The following MAP7 variants were observed in gnomAD, a reference collection of about 807,000 sequenced individuals.
The protein encoded by MAP7 is microtubule associated protein 7, also known as ensconsin.
In MAP7, 52 loss-of-function variants were observed where a neutral mutation model predicts 94.8. The observed-to-expected ratio is 0.55, with a 90% confidence interval of 0.44 to 0.69. The LOEUF (loss-of-function observed/expected upper bound fraction) is 0.69. Among genes scored for constraint, MAP7 ranks in the 30% least tolerant of loss-of-function variants. The probability of loss-of-function intolerance (pLI) is 0.00; values close to 1 mark genes in which losing one functional copy is unlikely to be tolerated. For missense variants in MAP7, 940 were observed against 964.6 expected (o/e 0.97, Z 0.34); for synonymous variants, 350 against 357.0 (o/e 0.98, Z 0.22).
rs1830022534 is a variant in MAP7, at chr6:136,550,095, G to A, written c.67+247C>T. ...CTCCACCTGTTGCGGGAAAGTCGCGGTGGAGCGCCCGAGGGCGGCCGCAAC... is the reference window on the plus strand; with the variant it reads ...CTCCACCTGTTGCGGGAAAGTCGCGATGGAGCGCCCGAGGGCGGCCGCAAC... On this transcript the variant is annotated intron_variant, in intron 1 of 17. Transcript: ENST00000354570. This position sits in a 1 kb window ranked among gnomAD's most constrained non-coding sequence, Gnocchi z 5.1. 6.6e-6 allele frequency among the ~76,000 whole-genome samples: 1 copy of A among 151,496 alleles called. No individual in the cohort carries two copies. Among genetic ancestry groups the A allele is most frequent in the Admixed American group, 6.6e-5 (1 of 15,234 alleles).
At chr6:136,432,369 T>C (rs903445005) in intron 1 of MAP7, among the ~76,000 whole-genome samples, 3 of 152,196 alleles carry the variant, frequency 2.0e-5, no homozygotes, top group Non-Finnish European at 4.4e-5. Context: ...AAGCAGGTCC[T>C]GGTTCGTTAT....
intron 1 of MAP7, among the ~76,000 whole-genome samples, chr6:136,435,082 ATACTTTTAG>A (rs981546205): frequency 3.3e-5 from 5 of 152,234 alleles, no homozygotes; most frequent in African/African-American, 7.2e-5. Context: ...TTTCTTCTAA[ATACTTTTAG>A]AATGCATTTT....
intron 1 of MAP7, among the ~76,000 whole-genome samples, chr6:136,546,633 G>A (rs1260305688): frequency 6.6e-6 from 1 of 152,076 alleles, no homozygotes; most frequent in African/African-American, 2.4e-5. Flanking sequence ...ACCTGCAACT[G>A]TTTGTTGGTG....
chr6:136,397,222 AT>A (rs2128695111), intron 3 of MAP7, among the ~76,000 whole-genome samples: 1 of 152,312 alleles, frequency 6.6e-6, no homozygotes, highest in East Asian at 1.9e-4. Flanking sequence ...GTATTTCAAT[AT>A]TTTAATAAAA....
chr6:136,513,891 ATG>A (rs1230168678), intron 1 of MAP7, among the ~76,000 whole-genome samples: 3 of 152,108 alleles, frequency 2.0e-5, no homozygotes, highest in African/African-American at 4.8e-5. Flanking sequence ...TATAAATTGC[ATG>A]TGTTTTGCAA....
At chr6:136,354,560 T>A (rs573217913) in intron 16 of MAP7, among the ~76,000 whole-genome samples, 1 of 151,214 alleles carries the variant, frequency 6.6e-6, no homozygotes, top group South Asian at 2.1e-4. Context: ...TATTCTTATA[T>A]TCTGATGTTT....
chr6:136,444,337 G>A (rs1333347686), intron 1 of MAP7, among the ~76,000 whole-genome samples: 1 of 152,214 alleles, frequency 6.6e-6, no homozygotes, highest in South Asian at 2.1e-4. Flanking sequence ...TGAATCTGAT[G>A]TACACCAAAG....
At chr6:136,352,645 T>C (rs543544369) in intron 16 of MAP7, among the ~76,000 whole-genome samples, 33 of 152,354 alleles carry the variant, frequency 2.2e-4, no homozygotes, top group African/African-American at 7.5e-4. Flanking sequence ...GGTTTAAATC[T>C]ATGTTTTTTT....
intron 1 of MAP7, among the ~76,000 whole-genome samples, chr6:136,461,002 A>G (rs1227201433): frequency 6.6e-6 from 1 of 152,178 alleles, no homozygotes; most frequent in Non-Finnish European, 1.5e-5. Context: ...ACTTACATGA[A>G]AAGGCTAAAA....
chr6:136,398,849 C>T (rs930596467), intron 3 of MAP7, among the ~76,000 whole-genome samples: 3 of 152,190 alleles, frequency 2.0e-5, no homozygotes, highest in Non-Finnish European at 4.4e-5. Context: ...GAACAGTGAA[C>T]TCAGTGCACT....
At position 136,469,252 on chromosome 6, in the gene MAP7, C is replaced by T. The variant is rs114447264; in HGVS notation, c.68-47453G>A. Reference sequence around the variant, plus strand: ...TCTCAAGACTAAGGTATCAGCTTATCACCCCGCTTTTGGTTTCATTCTCTT... The same window carrying T: ...TCTCAAGACTAAGGTATCAGCTTATTACCCCGCTTTTGGTTTCATTCTCTT... On this transcript the variant is annotated intron_variant, in intron 1 of 17. Transcript: ENST00000354570. Among the ~76,000 whole-genome samples the T allele has an allele frequency of 4.9e-3, 747 of 152,234 alleles. 6 individuals carry two copies. The highest frequency in any genetic ancestry group is 0.017 in the African/African-American group (716 of 41,550).
chr6:136,491,855 C>A (rs1816710634), intron 1 of MAP7, among the ~76,000 whole-genome samples: 1 of 152,276 alleles, frequency 6.6e-6, no homozygotes, highest in East Asian at 1.9e-4. Context: ...AGGAAAACAG[C>A]AGAATAAACA....
At chr6:136,414,018 G>A (rs1417553667) in intron 2 of MAP7, among the ~76,000 whole-genome samples, 1 of 151,928 alleles carries the variant, frequency 6.6e-6, no homozygotes, top group Non-Finnish European at 1.5e-5. Context: ...GGGAGGCCGA[G>A]GCGGGCGGAT....
At chr6:136,530,224 G>A (rs578097191) in intron 1 of MAP7, among the ~76,000 whole-genome samples, 3 of 152,340 alleles carry the variant, frequency 2.0e-5, no homozygotes, top group South Asian at 2.1e-4. Flanking sequence ...TTCAATGGCT[G>A]TAGCTGAAAA....
At chr6:136,458,382 T>A (rs773457934) in intron 1 of MAP7, among the ~76,000 whole-genome samples, 5 of 152,140 alleles carry the variant, frequency 3.3e-5, no homozygotes, top group Non-Finnish European at 7.4e-5. Context: ...ATTCAATCCA[T>A]ATCAAAATCT....
chr6:136,512,278 G>A (rs889093110), intron 1 of MAP7, among the ~76,000 whole-genome samples: 11 of 152,258 alleles, frequency 7.2e-5, no homozygotes, highest in African/African-American at 2.4e-4. Flanking sequence ...ATCTGGCTTA[G>A]CACCCATGGA....
At chr6:136,346,822 A>G (rs1189339760) in intron 16 of MAP7, among the ~76,000 whole-genome samples, 1 of 152,182 alleles carries the variant, frequency 6.6e-6, no homozygotes, top group Non-Finnish European at 1.5e-5. Context: ...ACAACTACTG[A>G]GAGATAGTTG....
intron 15 of MAP7, among the ~76,000 whole-genome samples, chr6:136,358,542 C>T (rs1406449679): frequency 6.6e-6 from 1 of 152,148 alleles, no homozygotes; most frequent in East Asian, 1.9e-4. Context: ...TTATGACATA[C>T]AGAAACCAAA....
intron 16 of MAP7, among the ~76,000 whole-genome samples, chr6:136,347,419 T>A (rs1286993600): frequency 6.6e-6 from 1 of 152,174 alleles, no homozygotes; most frequent in Non-Finnish European, 1.5e-5. Flanking sequence ...TTCTTTTTCC[T>A]TTTTTGAGAA....
Sources: allele counts gnomAD v4.1 joint callset (sites outside exome capture counted in the v4.1 genomes callset), GRCh38; gene constraint gnomAD v4.1.1; non-coding constraint Gnocchi (gnomAD v3.1); transcripts MANE v1.5; gene names NCBI Gene and HGNC (gene_info 2026-07-23, HGNC 2026-07-21).